LSP1: variants seen among roughly 807,000 people sequenced by gnomAD.
LSP1 encodes the protein lymphocyte specific protein 1.
LSP1 carries 32 observed loss-of-function variants against 49.3 expected under a neutral mutation model. The ratio of observed to expected loss-of-function variants is 0.65; its 90% CI spans 0.49 to 0.87. LSP1 has a LOEUF of 0.87. LSP1 is among the 40% of genes least tolerant of loss of function. The pLI is 0.00. For missense variants in LSP1, 428 were observed against 442.6 expected (o/e 0.97, Z 0.30); for synonymous variants, 179 against 178.8 (o/e 1.00, Z -0.01).
chr11:1,871,208 G>C (rs563577332), intron 1 of LSP1: 14 of 986,320 alleles, frequency 1.4e-5, no homozygotes, highest in African/African-American at 1.7e-5. Context: ...AACAGGAGGA[G>C]GGGGGAAGAA....
intron 1 of LSP1, chr11:1,871,207 AG>A: frequency 5.1e-6 from 5 of 986,136 alleles, no homozygotes; most frequent in Non-Finnish European, 4.8e-6. Context: ...GAACAGGAGG[AG>A]GGGGGAAGAA....
chr11:1,862,104 T>C (rs1218271419), intron 1 of LSP1, among the ~76,000 whole-genome samples: 1 of 151,546 alleles, frequency 6.6e-6, no homozygotes. Flanking sequence ...GATAAATGGA[T>C]GGATGAATAG....
intron 1 of LSP1, among the ~76,000 whole-genome samples, chr11:1,874,462 G>A (rs1348510408): frequency 6.6e-6 from 1 of 152,146 alleles, no homozygotes; most frequent in African/African-American, 2.4e-5. Context: ...GAGGGTGGCT[G>A]AGACTCAGGG....
At chr11:1,863,731 T>A (rs1357751955) in intron 1 of LSP1, 1 of 152,072 alleles carries the variant, frequency 6.6e-6, no homozygotes, top group African/African-American at 2.4e-5. Context: ...GCTGGGCTGC[T>A]CCTCCCTGGG....
At chr11:1,887,067 C>G (rs1446873768) in intron 8 of LSP1, among the ~76,000 whole-genome samples, 170 bp from the exon 9 acceptor site, 4 of 152,188 alleles carry the variant, frequency 2.6e-5, no homozygotes, top group South Asian at 2.1e-4. Context: ...GTAGATGGCA[C>G]CTTTATTCCT....
chr11:1,871,960 A>T lies in LSP1; in HGVS notation c.54-8127A>T, dbSNP rs1284372144. Among the ~76,000 whole-genome samples the T allele has an allele frequency of 3.6e-5, 5 of 139,818 alleles. No individual in the cohort carries two copies. In the East Asian group the frequency reaches 1.1e-3, roughly 30 times the overall value. 91.7% of individuals were successfully genotyped at this position (139,818 alleles called of 152,430 possible). ...TGGCGGGCAGGCCTGGGCTGTAGTC[A>T]CCCTGGCGCACGCTGGTAGAGTTGG... is the stretch of plus-strand genomic sequence containing the variant. On this transcript the variant is annotated intron_variant, in intron 1 of 10. Transcript: ENST00000311604.
At chr11:1,860,511 G>T (rs1395019017) in intron 1 of LSP1, among the ~76,000 whole-genome samples, 4 of 152,182 alleles carry the variant, frequency 2.6e-5, no homozygotes, top group Non-Finnish European at 5.9e-5. Flanking sequence ...ACAAAAAATA[G>T]ATGGATGGAC....
chr11:1,862,745 T>C (rs61868766), intron 1 of LSP1, among the ~76,000 whole-genome samples: 19 of 149,634 alleles, frequency 1.3e-4, no homozygotes, highest in African/African-American at 3.5e-4. Flanking sequence ...TGGGTGACCT[T>C]ACCTCCCCTA....
At chr11:1,877,278 C>G (rs1156593022) in intron 1 of LSP1, among the ~76,000 whole-genome samples, 2 of 152,152 alleles carry the variant, frequency 1.3e-5, no homozygotes, top group Non-Finnish European at 2.9e-5. Context: ...GCCCGCATGA[C>G]TCATATCCTG....
intron 1 of LSP1, chr11:1,866,878 C>A: frequency 6.5e-7 from 1 of 1,534,576 alleles, no homozygotes; most frequent in Non-Finnish European, 8.8e-7. Flanking sequence ...CATGAGCATC[C>A]GTCCAGCGGG....
intron 1 of LSP1, chr11:1,866,836 G>A (rs1193486906): frequency 3.2e-6 from 5 of 1,548,944 alleles, no homozygotes; most frequent in Non-Finnish European, 4.4e-6. Flanking sequence ...TGGCTGTGCG[G>A]TGGCTCACCC....
At chr11:1,869,741 C>A (rs76102571) in intron 1 of LSP1, 58,392 of 470,048 alleles carry the variant, frequency 0.12, 3,966 homozygotes, top group African/African-American at 0.15. Flanking sequence ...CGAGGGCTGG[C>A]GAGCTTGCCA....
At chr11:1,882,011 G>A (rs1464289709) in intron 3 of LSP1, among the ~76,000 whole-genome samples, 2 of 152,112 alleles carry the variant, frequency 1.3e-5, no homozygotes, top group Non-Finnish European at 2.9e-5. Flanking sequence ...GCCCGCCGCC[G>A]CCCCTTCCTC....
chr11:1,866,533 C>T, intron 1 of LSP1: 1 of 1,534,340 alleles, frequency 6.5e-7, no homozygotes, highest in Non-Finnish European at 8.8e-7. Context: ...AGTTCAGGAC[C>T]AGCACCAGGA....
rs779796182 is a variant in LSP1 at position 1,881,550 on chromosome 11, G to A, written c.310G>A (p.Gly104Arg). The A allele has an allele frequency of 3.3e-5, 51 of 1,544,022 alleles. No individual in the cohort carries two copies. The highest frequency in any genetic ancestry group is 3.5e-4 in the Middle Eastern group (2 of 5,690). ...GGGGGCGCAGGGCGCCTTGGACAGC[G>A]GAGAGCCCCCCCAGTGCAGGAGTCC... ...HEGAQGALDS[G>R]EPPQCRSPEG... is the part of the protein sequence containing the mutation. Residue 104 changes from glycine (G) to arginine (R), a missense_variant, in exon 3 of 11, where the codon GGA becomes AGA. Coordinates refer to ENST00000311604, the MANE Select transcript of LSP1 (RefSeq NM_002339.3).
At chr11:1,870,095 C>A (rs7951837) in intron 1 of LSP1, 14 of 465,884 alleles carry the variant, frequency 3.0e-5, no homozygotes, top group Non-Finnish European at 5.8e-5. Context: ...AGGACGGAGG[C>A]GCTGGCTGCA....
chr11:1,876,513 A>T, intron 1 of LSP1: 1 of 985,354 alleles, frequency 1.0e-6, no homozygotes, highest in South Asian at 4.7e-5. Context: ...GAGAGGACGG[A>T]CCCTCTCCAG....
At position 1,883,432 on chromosome 11, in the gene LSP1, G is replaced by A. The variant is rs1158576776; in HGVS notation, c.370G>A (p.Ala124Thr). Reference protein sequence around the residue: ...GEQEDRPGLHAYEKEDSDEVH... With the variant: ...GEQEDRPGLHTYEKEDSDEVH... ...TTCCACCCACAGGCCCGGCCTGCAT[G>A]CCTACGAAAAGGAGGACAGTGATGA... The change falls in exon 4 of 11, where the codon GCC becomes ACC. Residue 124 changes from alanine (A) to threonine (T), a missense_variant. Coordinates refer to ENST00000311604, the MANE Select transcript of LSP1 (RefSeq NM_002339.3). 1 of 1,614,048 alleles carries A rather than the reference G, an allele frequency of 6.2e-7. No homozygotes were observed. The highest frequency in any genetic ancestry group is 8.5e-7 in the Non-Finnish European group (1 of 1,179,998).
intron 1 of LSP1, among the ~76,000 whole-genome samples, chr11:1,857,261 G>A (rs550416840): frequency 4.4e-4 from 67 of 152,282 alleles, no homozygotes; most frequent in Admixed American, 7.8e-4. Flanking sequence ...TGGTTCCCTC[G>A]TGTCTCCTAA....
Sources: gnomAD v4.1 joint callset for allele counts (sites outside exome capture counted in the v4.1 genomes callset) on GRCh38, gnomAD v4.1.1 for gene constraint, MANE v1.5 for transcripts, NCBI Gene and HGNC (gene_info 2026-07-23, HGNC 2026-07-21) for gene names.